The following CDK2 variants were observed in gnomAD, a reference collection of about 807,000 sequenced individuals.
The protein encoded by CDK2 is cyclin-dependent kinase 2.
In CDK2, 8 loss-of-function variants were observed where a neutral mutation model predicts 35.0. The observed-to-expected ratio is 0.23, with a 90% confidence interval of 0.13 to 0.41. The LOEUF is 0.41. CDK2 is among the 10% of genes least tolerant of loss of function. CDK2 has a pLI of 1.00. For missense variants in CDK2, 201 were observed against 367.1 expected, an observed-to-expected ratio of 0.55 and a Z score of 3.70; for synonymous variants, 134 against 137.7, an observed-to-expected ratio of 0.97 and a Z score of 0.19.
At chr12:55,969,609 C>T in intron 5 of CDK2, 33 bp downstream of exon 5, 1 of 1,188,042 alleles carries the variant, frequency 8.4e-7, no homozygotes, top group South Asian at 1.3e-5. Flanking sequence ...CACCCAGCCC[C>T]CTCCCTCTCC....
chr12:55,969,103 A>C (rs1375700446), intron 4 of CDK2, among the ~76,000 whole-genome samples, 155 bp downstream of exon 4: 2 of 152,178 alleles, frequency 1.3e-5, no homozygotes, highest in Non-Finnish European at 2.9e-5. Flanking sequence ...TGGAATTCAT[A>C]CTGTGTTGCT....
At chr12:55,967,405 C>G in intron 1 of CDK2, 1 of 490,920 alleles carries the variant, frequency 2.0e-6, no homozygotes. Flanking sequence ...GAAAGGAGGT[C>G]TCTGAGATGA....
intron 5 of CDK2, chr12:55,969,927 G>A (rs1462151761): frequency 2.4e-5 from 4 of 165,012 alleles, no homozygotes; most frequent in East Asian, 1.7e-4. Flanking sequence ...AGACCTTGTT[G>A]TATGGTGCCA....
Position 55,971,937 on chromosome 12 carries a change from G to A in CDK2, c.*312G>A, listed in dbSNP as rs960255468. 3 of 271,358 alleles carry A rather than the reference G, an allele frequency of 1.1e-5. No individual in the cohort carries two copies. 16.8% of individuals were successfully genotyped at this position (271,358 alleles called of 1,614,324 possible). ...AGCCTTCCTACACGTTAGATTTGCC[G>A]TACCAATCTCTGAATGCCCCATAAT... is the stretch of plus-strand genomic sequence containing the variant. On this transcript the variant is annotated 3_prime_UTR_variant, in exon 7 of 7. Coordinates refer to ENST00000266970, the MANE Select transcript of CDK2 (RefSeq NM_001798.5).
At chr12:55,970,624 T>TA in intron 5 of CDK2, 3 of 702,340 alleles carry the variant, frequency 4.3e-6, no homozygotes, top group Non-Finnish European at 2.6e-6. Context: ...AGCACCATGC[T>TA]AGGTGCTGTG....
At position 55,968,903 on chromosome 12, in the gene CDK2, A is replaced by C; in HGVS notation, c.441A>C (p.Gly147=). 6.2e-7 allele frequency: 1 copy of C among 1,608,940 alleles called. No individual in the cohort carries two copies. ...TEGAIKLADF[G]LARAFGVPVR... ...GGGCCATCAAGCTAGCAGACTTTGG[A>C]CTAGCCAGAGCTTTTGGAGTCCCTG... Residue 147 remains glycine (G), a synonymous_variant, in exon 4 of 7, where the codon GGA becomes GGC. Coordinates refer to ENST00000266970, the MANE Select transcript of CDK2 (RefSeq NM_001798.5).
In CDK2 at chr12:55,971,107, A is replaced by G. The variant is rs1214324355; in HGVS notation, c.652A>G (p.Thr218Ala). 7 of 1,613,614 alleles carry G rather than the reference A, an allele frequency of 4.3e-6. No individual in the cohort carries two copies. The Admixed American group carries it at 5.0e-5, about 12-fold the overall frequency. ...EIDQLFRIFR[T>A]LGTPDEVVWP... ...TGACCAGCTCTTCCGGATCTTTCGGACTCTGGGGACCCCAGATGAGGTGGT... is the reference window on the plus strand; with the variant it reads ...TGACCAGCTCTTCCGGATCTTTCGGGCTCTGGGGACCCCAGATGAGGTGGT... The change falls in exon 6 of 7, where the codon ACT (threonine) becomes GCT (alanine). Residue 218 changes from threonine to alanine, a missense_variant. Coordinates refer to ENST00000266970, the MANE Select transcript of CDK2 (RefSeq NM_001798.5).
rs572779836 is a variant in CDK2, at chr12:55,969,593, A to G, written c.588+17A>G. On this transcript the variant is annotated intron_variant, in intron 5 of 6. Transcript: ENST00000266970. ...GCTGAGATGGTATGGAGGCTTGCCC[A>G]AGTTCCACCCAGCCCCCTCCCTCTC... 24 of 1,493,950 alleles carry G rather than the reference A, an allele frequency of 1.6e-5. No homozygotes were observed. The highest frequency in any genetic ancestry group is 1.8e-4 in the Middle Eastern group (1 of 5,542). 92.5% of individuals were successfully genotyped at this position (1,493,950 alleles called of 1,614,324 possible).
chr12:55,971,411 G>A (rs559883861), intron 6 of CDK2, 110 bp from the exon 7 acceptor site: 15 of 1,109,346 alleles, frequency 1.4e-5, no homozygotes, highest in Middle Eastern at 2.0e-4. Context: ...ATGGAAGTGA[G>A]AATTCTGCCT....
intron 1 of CDK2, 191 bp downstream of exon 1, chr12:55,967,315 G>A: frequency 1.8e-6 from 1 of 569,628 alleles, no homozygotes; most frequent in South Asian, 2.2e-5. Context: ...AGTATAGGGT[G>A]GTGTGGAATC....
intron 3 of CDK2, chr12:55,968,392 A>G (rs1308911294): frequency 1.9e-6 from 1 of 535,458 alleles, no homozygotes; most frequent in Non-Finnish European, 3.3e-6. Context: ...CAACCTAGCA[A>G]CTCAGGTGGG....
At position 55,970,819 on chromosome 12, in the gene CDK2, G is replaced by A; in HGVS notation, c.589-225G>A. 1.3e-5 allele frequency: 9 copies of A among 695,700 alleles called. No individual in the cohort carries two copies. In the South Asian group the frequency reaches 1.3e-4, roughly 10 times the overall value. The allele number at this position is 695,700 out of a possible 1,614,324, so 43.1% of individuals were successfully genotyped here. A position where few individuals can be genotyped will look rare whatever the true frequency, so the allele number is the denominator to read the frequency against. On this transcript the variant is annotated intron_variant, in intron 5 of 6. Coordinates refer to ENST00000266970, the MANE Select transcript of CDK2 (RefSeq NM_001798.5). ...CCCCCTCCCAGACCCACCCAGCCTT[G>A]GGGATCTGCAAAGCCATGGTTGGGG...
At chr12:55,970,207 T>C (rs1278134997) in intron 5 of CDK2, among the ~76,000 whole-genome samples, 1 of 146,944 alleles carries the variant, frequency 6.8e-6, no homozygotes. Flanking sequence ...GGAGAATCGG[T>C]TGAACCCGGG....
At chr12:55,969,420 C>A in intron 4 of CDK2, 55 bp from the exon 5 acceptor site, 1 of 907,538 alleles carries the variant, frequency 1.1e-6, no homozygotes, top group Non-Finnish European at 1.7e-6. Flanking sequence ...AACTGAGATG[C>A]GGGAATTTCC....
rs201952329 is a variant in CDK2 at position 55,969,540 on chromosome 12, G to C, written c.552G>C (p.Val184=). The C allele has an allele frequency of 1.0e-4, 166 of 1,609,992 alleles. No individual in the cohort carries two copies. The highest frequency in any genetic ancestry group is 1.7e-4 in the Middle Eastern group (1 of 6,046). ...LLGCKYYSTA[V]DIWSLGCIFA... ...GCTGCAAATATTATTCCACAGCTGT[G>C]GACATCTGGAGCCTGGGCTGCATCT... The change falls in exon 5 of 7, where the codon GTG becomes GTC. Residue 184 remains valine, a synonymous_variant. Transcript: ENST00000266970.
At chr12:55,971,323 C>T (rs540278280) in intron 6 of CDK2, 76 bp downstream of exon 6, 1,001 of 1,429,686 alleles carry the variant, frequency 7.0e-4, no homozygotes, top group Non-Finnish European at 9.5e-4. Context: ...AAGGATGAGA[C>T]CCTGAAATCT....
intron 3 of CDK2, among the ~76,000 whole-genome samples, chr12:55,968,475 G>T (rs1209560436): frequency 6.6e-6 from 1 of 152,098 alleles, no homozygotes; most frequent in South Asian, 2.1e-4. Flanking sequence ...CTTCCATTTG[G>T]TGGAAGACCT....
chr12:55,967,554 G>T (rs997476058), intron 1 of CDK2: 2 of 473,526 alleles, frequency 4.2e-6, no homozygotes, highest in Non-Finnish European at 3.8e-6. Context: ...AACCTCACTG[G>T]CCCCTCTGGG....
intron 2 of CDK2, 29 bp from the exon 3 acceptor site, chr12:55,968,020 C>T (rs1257874374): frequency 1.2e-6 from 2 of 1,614,002 alleles, no homozygotes; most frequent in East Asian, 4.5e-5. Flanking sequence ...TCTCACACAC[C>T]TCCATTTCCT....
Sources: gnomAD v4.1 joint callset for allele counts (sites outside exome capture counted in the v4.1 genomes callset) on GRCh38, gnomAD v4.1.1 for gene constraint, MANE v1.5 for transcripts, NCBI Gene and HGNC (gene_info 2026-07-23, HGNC 2026-07-21) for gene names.